Variants in PHF21B observed in about 807,000 individuals in gnomAD.
The protein encoded by PHF21B is PHD finger protein 4.
PHF21B carries 22 observed loss-of-function variants against 62.2 expected under a neutral mutation model. The observed-to-expected ratio is 0.35, with a 90% CI of 0.25 to 0.51. The LOEUF is 0.51. Among genes scored for constraint, PHF21B ranks in the 20% least tolerant of loss-of-function variants. The probability of loss-of-function intolerance (pLI) is 0.97; values close to 1 mark genes in which losing one functional copy is unlikely to be tolerated. For missense variants in PHF21B, 701 were observed against 707.9 expected (o/e 0.99, Z 0.11); for synonymous variants, 341 against 314.7 (o/e 1.08, Z -0.88).
chr22:44,977,195 C>T (rs991957153), intron 2 of PHF21B, among the ~76,000 whole-genome samples: 1 of 152,032 alleles, frequency 6.6e-6, no homozygotes, highest in African/African-American at 2.4e-5. Flanking sequence ...CCACTCGCTA[C>T]AGGTAACTAC....
intron 4 of PHF21B, among the ~76,000 whole-genome samples, chr22:44,915,981 A>G (rs868092072): frequency 6.6e-6 from 1 of 152,232 alleles, no homozygotes; most frequent in African/African-American, 2.4e-5. Flanking sequence ...GAATGAATTC[A>G]TTCATTGACC....
At chr22:44,932,133 C>T (rs1052820970) in intron 2 of PHF21B, among the ~76,000 whole-genome samples, 4 of 152,206 alleles carry the variant, frequency 2.6e-5, no homozygotes, top group Middle Eastern at 3.2e-3. Flanking sequence ...TGGGAAGACC[C>T]GGAGGTTAGT....
chr22:45,006,529 T>C (rs1177171337), intron 2 of PHF21B, among the ~76,000 whole-genome samples: 3 of 152,308 alleles, frequency 2.0e-5, no homozygotes, highest in Admixed American at 6.5e-5. Flanking sequence ...TTTCGGCTTA[T>C]CTAAATTCCG....
At chr22:44,890,606 G>A (rs5766170) in intron 8 of PHF21B, among the ~76,000 whole-genome samples, 13,478 of 152,306 alleles carry the variant, frequency 0.088, 855 homozygotes, top group East Asian at 0.31. Flanking sequence ...CAGCAAGCTG[G>A]TCGTCATTTC....
chr22:44,993,669 G>A (rs779190352), intron 2 of PHF21B, among the ~76,000 whole-genome samples: 4 of 152,202 alleles, frequency 2.6e-5, no homozygotes, highest in Non-Finnish European at 5.9e-5. Context: ...ATCGAGACCC[G>A]TGGAGATGAG....
intron 2 of PHF21B, chr22:45,008,201 G>A (rs2073361404): frequency 4.8e-6 from 1 of 208,778 alleles, no homozygotes; most frequent in Non-Finnish European, 9.5e-6. Flanking sequence ...GCCCCCCTCC[G>A]CCCCCATGGC....
chr22:44,940,912 T>TG (rs552011660), intron 2 of PHF21B, among the ~76,000 whole-genome samples: 14 of 152,096 alleles, frequency 9.2e-5, no homozygotes, highest in Non-Finnish European at 1.8e-4. Context: ...TGGAGGTGAG[T>TG]GGGGGGCTGT....
At chr22:44,995,802 C>T (rs1407100781) in intron 2 of PHF21B, among the ~76,000 whole-genome samples, 23 of 146,340 alleles carry the variant, frequency 1.6e-4, no homozygotes, top group African/African-American at 5.5e-4. Context: ...CCCCCACCTC[C>T]ACCCCCCCAT....
chr22:44,920,377 G>A (rs1408123637), intron 3 of PHF21B, 21 bp downstream of exon 3: 7 of 1,585,226 alleles, frequency 4.4e-6, no homozygotes, highest in Middle Eastern at 1.8e-4. Flanking sequence ...ACACCCCAGG[G>A]CCCGCCCGAG....
intron 1 of PHF21B, chr22:45,008,979 G>C (rs1392639949): frequency 9.2e-7 from 1 of 1,088,110 alleles, no homozygotes; most frequent in Non-Finnish European, 1.1e-6. Flanking sequence ...TCCGTGTCGA[G>C]CAAAGCTCAT....
At chr22:44,900,713 G>A (rs536850991) in intron 5 of PHF21B, among the ~76,000 whole-genome samples, 17 of 151,262 alleles carry the variant, frequency 1.1e-4, no homozygotes, top group South Asian at 2.1e-4. Context: ...TTACTCTAGC[G>A]TATCCTGGAA....
chr22:44,951,309 T>C (rs925902010), intron 2 of PHF21B, among the ~76,000 whole-genome samples: 7 of 152,272 alleles, frequency 4.6e-5, no homozygotes, highest in African/African-American at 1.7e-4. Context: ...CATGCAGAGT[T>C]CACAATAGGG....
chr22:44,927,708 C>T (rs756580883), intron 2 of PHF21B, among the ~76,000 whole-genome samples: 2 of 152,146 alleles, frequency 1.3e-5, no homozygotes, highest in Admixed American at 6.5e-5. Flanking sequence ...CTTTAATTAG[C>T]GAGCTGAAAG....
At chr22:44,926,434 G>A (rs1485672710) in intron 2 of PHF21B, among the ~76,000 whole-genome samples, 2 of 152,236 alleles carry the variant, frequency 1.3e-5, no homozygotes, top group Non-Finnish European at 2.9e-5. Flanking sequence ...TGGGGCTTCC[G>A]TCCTCACTCA....
intron 7 of PHF21B, among the ~76,000 whole-genome samples, chr22:44,892,615 A>G (rs1341480591): frequency 6.6e-6 from 1 of 152,226 alleles, no homozygotes; most frequent in African/African-American, 2.4e-5. Flanking sequence ...CGTTTCCCTC[A>G]GGACAGCTGT....
At chr22:44,896,148 A>G (rs2071053725) in intron 5 of PHF21B, 65 bp from the exon 6 acceptor site, 1 of 1,576,344 alleles carries the variant, frequency 6.3e-7, no homozygotes, top group Non-Finnish European at 8.7e-7. Flanking sequence ...GCACTCAACA[A>G]ACATCTGCTG....
intron 5 of PHF21B, among the ~76,000 whole-genome samples, chr22:44,897,494 T>A (rs908593863): frequency 4.0e-5 from 6 of 151,496 alleles, no homozygotes; most frequent in South Asian, 4.2e-4. Flanking sequence ...CTGCCAGGAG[T>A]CCTGCAGCCA....
At chr22:44,991,952 G>C (rs895947443) in intron 2 of PHF21B, among the ~76,000 whole-genome samples, 1 of 152,244 alleles carries the variant, frequency 6.6e-6, no homozygotes, top group Admixed American at 6.5e-5. Flanking sequence ...TAATGAAGCT[G>C]TTGGCTGGGT....
chr22:45,006,754 A>C (rs1237443644), intron 2 of PHF21B, among the ~76,000 whole-genome samples: 1 of 152,056 alleles, frequency 6.6e-6, no homozygotes, highest in Non-Finnish European at 1.5e-5. Context: ...CTCTCTTTTA[A>C]ATCTTCTAGG....
Sources: gnomAD v4.1 joint callset for allele counts (sites outside exome capture counted in the v4.1 genomes callset) on GRCh38, gnomAD v4.1.1 for gene constraint, MANE v1.5 for transcripts, NCBI Gene and HGNC (gene_info 2026-07-23, HGNC 2026-07-21) for gene names.